PGBD5: variants seen among roughly 807,000 people sequenced by gnomAD.
The protein encoded by PGBD5 is piggyBac transposable element-derived protein 5.
A neutral mutation model predicts 47.9 loss-of-function variants in PGBD5; 14 were observed. The observed-to-expected ratio is 0.29, with a 90% confidence interval of 0.19 to 0.46. The LOEUF (loss-of-function observed/expected upper bound fraction) is 0.46, where lower values mean the gene tolerates loss of function less well. PGBD5 is among the 20% of genes least tolerant of loss of function. The pLI is 1.00. For missense variants in PGBD5, 635 were observed against 716.0 expected, an observed-to-expected ratio of 0.89 and a Z score of 1.29; for synonymous variants, 316 against 306.3, an observed-to-expected ratio of 1.03 and a Z score of -0.33.
chr1:230,387,675 G>A (rs1298590768), intron 1 of PGBD5, among the ~76,000 whole-genome samples: 2 of 152,084 alleles, frequency 1.3e-5, no homozygotes, highest in African/African-American at 2.4e-5. Context: ...GTGGTGATTC[G>A]GGTTAAGGAG....
chr1:230,385,747 C>T (rs1286925411), intron 1 of PGBD5, among the ~76,000 whole-genome samples: 1 of 151,856 alleles, frequency 6.6e-6, no homozygotes, highest in African/African-American at 2.4e-5. Context: ...AAAGAGTTGG[C>T]CCTCTTTTTT....
chr1:230,357,382 G>C lies in PGBD5; in HGVS notation c.332-61C>G. The C allele has an allele frequency of 6.5e-7, 1 of 1,539,584 alleles. No homozygotes were observed. Among genetic ancestry groups the C allele is most frequent in the Admixed American group, 1.8e-5 (1 of 56,370 alleles). On this transcript the variant is annotated intron_variant, in intron 1 of 6. Coordinates refer to ENST00000391860, the MANE Select transcript of PGBD5 (RefSeq NM_001258311.2). This position sits in a 1 kb window ranked among gnomAD's most constrained non-coding sequence, Gnocchi z 5.7. ...CGGCCGCCACACCCTGACTCGACAC[G>C]AGAACGGCTGCATTTCCAATCCCTG...
At position 230,318,235 on chromosome 1, in the gene PGBD5, T is replaced by C. The variant is rs1432586156; in HGVS notation, c.*5190A>G. ...CTCTAAGTGCCACTTTGGTACCTGA[T>C]ACTCTTTATTTCTTATTGGGAGAGA... On this transcript the variant is annotated 3_prime_UTR_variant, in exon 7 of 7. Transcript: ENST00000391860. The C allele has an allele frequency of 6.6e-6, 1 of 152,144 alleles. No homozygotes were observed. The highest frequency in any genetic ancestry group is 1.5e-5 in the Non-Finnish European group (1 of 68,046). 9.4% of individuals were successfully genotyped at this position (152,144 alleles called of 1,614,324 possible).
At chr1:230,384,241 G>C (rs1656584352) in intron 1 of PGBD5, among the ~76,000 whole-genome samples, 1 of 152,144 alleles carries the variant, frequency 6.6e-6, no homozygotes. Flanking sequence ...AGTAAAAAGA[G>C]GGAACATTTG....
chr1:230,349,365 CA>C (rs762797113), intron 3 of PGBD5, among the ~76,000 whole-genome samples: 6 of 151,882 alleles, frequency 4.0e-5, no homozygotes, highest in Admixed American at 1.3e-4. Context: ...CCATCTCTAC[CA>C]AAATGAAAAT....
In PGBD5 at chr1:230,320,123, A is replaced by G. The variant is rs1320112615; in HGVS notation, c.*3302T>C. 4.6e-5 allele frequency: 7 copies of G among 152,132 alleles called. No homozygotes were observed. Among genetic ancestry groups the G allele is most frequent in the Admixed American group, 4.6e-4 (7 of 15,276 alleles). The allele number at this position is 152,132 out of a possible 1,614,324, so 9.4% of individuals were successfully genotyped here. A position where few individuals can be genotyped will look rare whatever the true frequency, so the allele number is the denominator to read the frequency against. ...TGATCCGCCTGCCTCGGCCTCCCAA[A>G]GTGCTGGGATTACAGGTGTGAGCCA... On this transcript the variant is annotated 3_prime_UTR_variant, in exon 7 of 7. Transcript: ENST00000391860.
At chr1:230,390,500 T>C (rs978805635) in intron 1 of PGBD5, among the ~76,000 whole-genome samples, 3 of 152,162 alleles carry the variant, frequency 2.0e-5, no homozygotes, top group Non-Finnish European at 4.4e-5. Context: ...GTTGTGTTAC[T>C]GGTGGGCTTT....
intron 3 of PGBD5, among the ~76,000 whole-genome samples, chr1:230,348,761 C>G (rs12049031): frequency 0.17 from 25,240 of 152,112 alleles, 2,373 homozygotes; most frequent in Non-Finnish European, 0.2. Flanking sequence ...GCCACAGGCA[C>G]CTTCAGTTGG....
chr1:230,318,018 C>G lies in PGBD5; in HGVS notation c.*5407G>C, dbSNP rs187382280. On this transcript the variant is annotated 3_prime_UTR_variant, in exon 7 of 7. Coordinates refer to ENST00000391860, the MANE Select transcript of PGBD5 (RefSeq NM_001258311.2). Reference sequence around the variant, plus strand: ...GCTGCCACCAGCGCCAGCACCACCGCCCTACACTCAAGAGAGGCTGCCCGG... The same window carrying G: ...GCTGCCACCAGCGCCAGCACCACCGGCCTACACTCAAGAGAGGCTGCCCGG... 2.0e-5 allele frequency: 3 copies of G among 152,012 alleles called. No homozygotes were observed. The highest frequency in any genetic ancestry group is 7.3e-5 in the African/African-American group (3 of 41,298). The allele number at this position is 152,012 out of a possible 1,614,324, so 9.4% of individuals were successfully genotyped here.
chr1:230,424,468 A>G (rs1657726316), intron 1 of PGBD5, among the ~76,000 whole-genome samples: 2 of 152,148 alleles, frequency 1.3e-5, no homozygotes, highest in Non-Finnish European at 2.9e-5. Context: ...CTCCCTACTC[A>G]GAGTCCAGCT....
intron 1 of PGBD5, among the ~76,000 whole-genome samples, chr1:230,392,157 A>C (rs913782027): frequency 2.0e-5 from 3 of 152,186 alleles, no homozygotes; most frequent in Non-Finnish European, 4.4e-5. Context: ...GCTGATCCCC[A>C]GCTGCCACCA....
At chr1:230,379,537 T>A (rs572295386) in intron 1 of PGBD5, among the ~76,000 whole-genome samples, 17 of 152,346 alleles carry the variant, frequency 1.1e-4, no homozygotes, top group Admixed American at 1.1e-3. Context: ...CTACCTCCAC[T>A]TTCTGTACCT....
intron 5 of PGBD5, among the ~76,000 whole-genome samples, chr1:230,328,606 T>C (rs78216640): frequency 0.17 from 26,185 of 152,182 alleles, 2,623 homozygotes; most frequent in East Asian, 0.48. Flanking sequence ...TCTGCACACA[T>C]GTCTATCTTC....
chr1:230,380,046 A>G (rs2102725007), intron 1 of PGBD5, among the ~76,000 whole-genome samples: 1 of 152,296 alleles, frequency 6.6e-6, no homozygotes, highest in Non-Finnish European at 1.5e-5. Context: ...GGGCTAGGCA[A>G]TTCCACAGAG....
At chr1:230,330,404 T>TTACA (rs1221405867) in intron 5 of PGBD5, among the ~76,000 whole-genome samples, 5 of 152,250 alleles carry the variant, frequency 3.3e-5, no homozygotes, top group Non-Finnish European at 7.3e-5. Flanking sequence ...CAAATGTTTA[T>TTACA]GTATGAAGAC....
At chr1:230,358,909 T>C (rs79242340) in intron 1 of PGBD5, among the ~76,000 whole-genome samples, 21,453 of 152,192 alleles carry the variant, frequency 0.14, 4,645 homozygotes, top group African/African-American at 0.47. Context: ...AGAATGTATC[T>C]CTGTCATTAA....
At chr1:230,348,581 C>T (rs1466962356) in intron 3 of PGBD5, among the ~76,000 whole-genome samples, 3 of 152,226 alleles carry the variant, frequency 2.0e-5, no homozygotes, top group Non-Finnish European at 4.4e-5. Flanking sequence ...TGCCCCAGGG[C>T]TGTGCTTGCC....
intron 1 of PGBD5, among the ~76,000 whole-genome samples, chr1:230,386,211 C>T (rs747782760): frequency 1.3e-4 from 19 of 151,596 alleles, no homozygotes; most frequent in Non-Finnish European, 2.4e-4. Flanking sequence ...CACAGCTACT[C>T]GGAAGGCTGA....
intron 1 of PGBD5, among the ~76,000 whole-genome samples, chr1:230,404,322 T>C (rs557486753): frequency 6.6e-6 from 1 of 151,890 alleles, no homozygotes; most frequent in Admixed American, 6.6e-5. Flanking sequence ...CTACAAATAA[T>C]TTAAAAAATT....
Sources: allele counts gnomAD v4.1 joint callset (sites outside exome capture counted in the v4.1 genomes callset), GRCh38; gene constraint gnomAD v4.1.1; non-coding constraint Gnocchi (gnomAD v3.1); transcripts MANE v1.5; gene names NCBI Gene and HGNC (gene_info 2026-07-23, HGNC 2026-07-21).